The following CLVS1 variants were observed in gnomAD, a reference collection of about 807,000 sequenced individuals.
CLVS1 encodes the protein clavesin 1, also known as clavesin-1.
A neutral mutation model predicts 33.1 loss-of-function variants in CLVS1; 10 were observed. The ratio of observed to expected loss-of-function variants is 0.30; its 90% confidence interval spans 0.19 to 0.51. CLVS1 has a LOEUF of 0.51. Among genes scored for constraint, CLVS1 ranks in the 20% least tolerant of loss-of-function variants. The pLI, the probability that CLVS1 is intolerant of heterozygous loss-of-function variation, is 0.97. For synonymous variants in CLVS1, 163 were observed against 166.1 expected (o/e 0.98, Z 0.14); for missense variants, 343 against 433.4 (o/e 0.79, Z 1.85).
At position 61,233,487 on chromosome 8, in the gene CLVS1, A is replaced by G. The variant is rs556219891; in HGVS notation, c.-151-66190A>G. On this transcript the variant is annotated intron_variant, in intron 2 of 2. Transcript: ENST00000522621. Reference sequence around the variant, plus strand: ...CCGTAGCTTTTTGTAACATTTGGTTACTTAAAAGACAGACTCTGTATCAAA... The same window carrying G: ...CCGTAGCTTTTTGTAACATTTGGTTGCTTAAAAGACAGACTCTGTATCAAA... Among the ~76,000 whole-genome samples, 202 of 147,418 alleles carry G rather than the reference A, an allele frequency of 1.4e-3. 1 individual carries two copies. The highest frequency in any genetic ancestry group is 3.8e-3 in the Admixed American group (56 of 14,620).
At chr8:61,406,167 A>T (rs984991617) in intron 3 of CLVS1, among the ~76,000 whole-genome samples, 1 of 152,224 alleles carries the variant, frequency 6.6e-6, no homozygotes, top group Admixed American at 6.5e-5. Flanking sequence ...TGGAGGCCAA[A>T]TTGTAACTCA....
intron 1 of CLVS1, among the ~76,000 whole-genome samples, chr8:61,125,360 G>T (rs930543807): frequency 2.0e-5 from 3 of 152,128 alleles, no homozygotes; most frequent in East Asian, 1.9e-4. Context: ...GACAGGTTGT[G>T]GGGGGCTAGG....
At chr8:61,432,484 A>T (rs1816150966) in intron 3 of CLVS1, among the ~76,000 whole-genome samples, 1 of 151,910 alleles carries the variant, frequency 6.6e-6, no homozygotes, top group Non-Finnish European at 1.5e-5. Flanking sequence ...TAGGACATAG[A>T]CATGTACAGA....
At chr8:61,339,018 G>A in intron 2 of CLVS1, among the ~76,000 whole-genome samples, 1 of 152,038 alleles carries the variant, frequency 6.6e-6, no homozygotes, top group East Asian at 1.9e-4. Context: ...GTGCCTGTGT[G>A]TGTGTGTGTG....
chr8:61,210,940 G>A (rs1807958005), intron 2 of CLVS1, among the ~76,000 whole-genome samples: 1 of 152,000 alleles, frequency 6.6e-6, no homozygotes, highest in African/African-American at 2.4e-5. Context: ...GGAAGAGAGG[G>A]AGACTTCCTA....
At chr8:61,065,785 G>C (rs1019904) in intron 1 of CLVS1, among the ~76,000 whole-genome samples, 73,216 of 152,048 alleles carry the variant, frequency 0.48, 20,836 homozygotes, top group African/African-American at 0.79. Context: ...AGTCTAGTTA[G>C]ATTGGTATCT....
intron 1 of CLVS1, among the ~76,000 whole-genome samples, chr8:61,065,162 G>A (rs1156446240): frequency 2.0e-5 from 3 of 152,182 alleles, no homozygotes; most frequent in Admixed American, 1.3e-4. Flanking sequence ...TTATGTAAAC[G>A]ATGTGGTATT....
intron 5 of CLVS1, among the ~76,000 whole-genome samples, chr8:61,468,735 A>AAAAAAAAAAG (rs1217287345): frequency 1.1e-4 from 15 of 138,756 alleles, no homozygotes; most frequent in East Asian, 4.0e-4. Flanking sequence ...AAAAAAAAAA[A>AAAAAAAAAAG]AAAAGGTAGT....
At chr8:61,369,780 C>T (rs1274080575) in intron 2 of CLVS1, among the ~76,000 whole-genome samples, 1 of 152,130 alleles carries the variant, frequency 6.6e-6, no homozygotes, top group Non-Finnish European at 1.5e-5. Flanking sequence ...GTGTTAAGCC[C>T]AATCACCTTT....
At chr8:60,969,547 G>A in the CLVS1 span, among the ~76,000 whole-genome samples, 22 of 152,146 alleles carry the variant, frequency 1.4e-4, no homozygotes, top group African/African-American at 5.1e-4. Flanking sequence ...CGTGTTTGAC[G>A]TCCTATCCCA....
At chr8:61,484,549 C>T (rs1377308300) in intron 5 of CLVS1, among the ~76,000 whole-genome samples, 1 of 152,216 alleles carries the variant, frequency 6.6e-6, no homozygotes, top group Non-Finnish European at 1.5e-5. Flanking sequence ...ACGCCATCCC[C>T]ATCAAGCTAC....
intron 2 of CLVS1, among the ~76,000 whole-genome samples, chr8:61,229,223 A>G (rs1283402460): frequency 2.0e-5 from 3 of 152,240 alleles, no homozygotes; most frequent in African/African-American, 7.2e-5. Context: ...TCACTCATTA[A>G]TTCCTTCAGA....
At chr8:61,133,612 C>A (rs140773003) in intron 2 of CLVS1, among the ~76,000 whole-genome samples, 1 of 152,262 alleles carries the variant, frequency 6.6e-6, no homozygotes, top group East Asian at 1.9e-4. Flanking sequence ...TGAGGTTGGA[C>A]AGCAAGGCAG....
rs530639129 is a variant in CLVS1, at chr8:61,475,848, G to A, written c.977+17306G>A. On this transcript the variant is annotated intron_variant, in intron 5 of 5. Transcript: ENST00000325897. ...GTCTTTTGTTGCCATTGCTTTTGGT[G>A]TTTTAGTCAAGAAGTCCTTGCCCAT... 1.2e-4 allele frequency among the ~76,000 whole-genome samples: 18 copies of A among 152,284 alleles called. No homozygotes were observed. In the South Asian group the frequency reaches 3.7e-3, roughly 32 times the overall value.
intron 2 of CLVS1, among the ~76,000 whole-genome samples, chr8:61,357,212 A>T (rs1812748028): frequency 6.6e-6 from 1 of 152,196 alleles, no homozygotes; most frequent in Non-Finnish European, 1.5e-5. Flanking sequence ...GTTAAATGGC[A>T]TCAAGAGAAA....
chr8:61,459,516 C>T (rs545517787), intron 5 of CLVS1, among the ~76,000 whole-genome samples: 1 of 145,392 alleles, frequency 6.9e-6, no homozygotes, highest in African/African-American at 2.5e-5. Context: ...ACTCTTCCCC[C>T]CAAGTCCCCA....
At chr8:61,068,025 A>C (rs1409812897) in intron 1 of CLVS1, among the ~76,000 whole-genome samples, 1 of 151,302 alleles carries the variant, frequency 6.6e-6, no homozygotes, top group Non-Finnish European at 1.5e-5. Flanking sequence ...CTCTATAAAA[A>C]ATTTTAAAAA....
intron 2 of CLVS1, among the ~76,000 whole-genome samples, chr8:61,132,085 TAA>T (rs1341789094): frequency 1.3e-5 from 2 of 152,210 alleles, no homozygotes; most frequent in African/African-American, 4.8e-5. Flanking sequence ...CACTCACACA[TAA>T]AAGTCTTAAA....
At chr8:61,309,083 G>T (rs574563768) in intron 2 of CLVS1, among the ~76,000 whole-genome samples, 2 of 152,328 alleles carry the variant, frequency 1.3e-5, no homozygotes, top group East Asian at 3.9e-4. Context: ...CATTCCGTGT[G>T]TATTCGAATG....
Sources: allele counts gnomAD v4.1 joint callset (sites outside exome capture counted in the v4.1 genomes callset), GRCh38; gene constraint gnomAD v4.1.1; transcripts MANE v1.5; gene names NCBI Gene and HGNC (gene_info 2026-07-23, HGNC 2026-07-21).